Variants in CCDC141 observed in about 807,000 individuals in gnomAD.
CCDC141 encodes coiled-coil domain-containing protein 141.
CCDC141 carries 168 observed loss-of-function variants against 181.0 expected under a neutral mutation model. That is an observed-to-expected ratio of 0.93 (90% CI 0.82 to 1.05). The LOEUF is 1.05. CCDC141 is among the 50% of genes least tolerant of loss of function. CCDC141 has a pLI of 0.00. For synonymous variants in CCDC141, 666 were observed against 642.3 expected (o/e 1.04, Z -0.56); for missense variants, 1,902 against 1,788.5 (o/e 1.06, Z -1.14).
intron 2 of CCDC141, among the ~76,000 whole-genome samples, chr2:178,992,501 A>G (rs1189924386): frequency 6.6e-6 from 1 of 151,714 alleles, no homozygotes; most frequent in Non-Finnish European, 1.5e-5. Flanking sequence ...CACATTACAC[A>G]CTTAATTATA....
chr2:178,863,674 GGT>G (rs143237016), intron 17 of CCDC141, among the ~76,000 whole-genome samples: 28 of 152,116 alleles, frequency 1.8e-4, no homozygotes, highest in African/African-American at 6.3e-4. Flanking sequence ...GAAAGTCCAG[GGT>G]GTGCACACGC....
At chr2:178,838,576 T>C (rs1217571206) in intron 22 of CCDC141, among the ~76,000 whole-genome samples, 1 of 152,226 alleles carries the variant, frequency 6.6e-6, no homozygotes, top group Non-Finnish European at 1.5e-5. Flanking sequence ...GAGCACCTAC[T>C]GCTATACACT....
At chr2:178,931,616 TACATGG>T (rs1428530546) in intron 6 of CCDC141, among the ~76,000 whole-genome samples, 2 of 152,156 alleles carry the variant, frequency 1.3e-5, no homozygotes, top group East Asian at 3.9e-4. Context: ...AATAGGTAAA[TACATGG>T]ACACAGAAAG....
At position 179,047,395 on chromosome 2, in the gene CCDC141, C is replaced by A. The variant is rs868402123; in HGVS notation, c.114G>T (p.Trp38Cys). ...GTGATTCAGCCAGTTGAAGTTGTAC[C>A]CATTTGCCACACTAAAAATAAAAAT... ...IVIAVIKCGK[W>C]VQLQLAESQP... Residue 38 changes from tryptophan (W) to cysteine (C), a missense_variant, in exon 2 of 24, where the codon TGG becomes TGT. Transcript: ENST00000443758. The A allele has an allele frequency of 6.2e-5, 94 of 1,509,090 alleles. No homozygotes were observed. The highest frequency in any genetic ancestry group is 8.0e-5 in the Non-Finnish European group (91 of 1,132,330). 93.5% of individuals were successfully genotyped at this position (1,509,090 alleles called of 1,614,324 possible).
intron 2 of CCDC141, among the ~76,000 whole-genome samples, chr2:179,040,761 C>T (rs564632578): frequency 1.3e-5 from 2 of 152,358 alleles, no homozygotes; most frequent in South Asian, 2.1e-4. Context: ...ATATGTACCA[C>T]ACTTTCTTTA....
intron 2 of CCDC141, among the ~76,000 whole-genome samples, chr2:178,986,836 G>A (rs1691769881): frequency 6.6e-6 from 1 of 150,900 alleles, no homozygotes; most frequent in Non-Finnish European, 1.5e-5. Context: ...ACAAATGGAA[G>A]AACATTCCAT....
At chr2:178,925,037 A>G (rs577435561) in intron 6 of CCDC141, among the ~76,000 whole-genome samples, 14 of 152,296 alleles carry the variant, frequency 9.2e-5, no homozygotes, top group African/African-American at 3.4e-4. Context: ...CTCATCTGTT[A>G]ATTCAGTGAC....
intron 5 of CCDC141, among the ~76,000 whole-genome samples, chr2:178,949,518 A>G (rs1395354142): frequency 1.3e-5 from 2 of 152,248 alleles, no homozygotes. Context: ...ATACATCTGC[A>G]GAAAGAAAGG....
At chr2:178,958,416 T>C (rs995773223) in intron 5 of CCDC141, among the ~76,000 whole-genome samples, 3 of 152,108 alleles carry the variant, frequency 2.0e-5, no homozygotes, top group African/African-American at 7.2e-5. Context: ...AGGGAACATA[T>C]AGGAAATCTC....
At position 178,830,579 on chromosome 2, in the gene CCDC141, T is replaced by A. The variant is rs746343250; in HGVS notation, c.*3594A>T. ...TTACTGAGTGTGACTGTGTCTTAGG[T>A]ACTGGCAATACAATGACAACAGGGC... On this transcript the variant is annotated 3_prime_UTR_variant, in exon 24 of 24. Coordinates refer to ENST00000443758, the MANE Select transcript of CCDC141 (RefSeq NM_173648.4). 3.3e-5 allele frequency: 5 copies of A among 152,216 alleles called. No homozygotes were observed. The highest frequency in any genetic ancestry group is 6.5e-5 in the Admixed American group (1 of 15,276). The allele number at this position is 152,216 out of a possible 1,614,324, so 9.4% of individuals were successfully genotyped here.
intron 2 of CCDC141, among the ~76,000 whole-genome samples, chr2:179,043,348 G>C (rs1264387532): frequency 1.3e-5 from 2 of 152,148 alleles, no homozygotes; most frequent in East Asian, 1.9e-4. Flanking sequence ...TGAGGAGGAG[G>C]GACTCCTCCC....
intron 2 of CCDC141, among the ~76,000 whole-genome samples, chr2:178,982,651 G>A (rs979449414): frequency 6.6e-6 from 1 of 152,202 alleles, no homozygotes; most frequent in African/African-American, 2.4e-5. Flanking sequence ...TGCCTCCCTC[G>A]GGAAGCACAA....
chr2:178,918,770 CA>C lies in CCDC141; in HGVS notation c.1034del (p.Met345ArgfsTer8), dbSNP rs1214264706. ...TCTTTAACCAGGTATTCCTTTCCAC[CA>C]TGAGTTGACCAAATTCTTCTTGAAG... ...SQLQEEFGQL[M>X]VERNTWLKKA... On this transcript the variant is annotated frameshift_variant, in exon 7 of 24. Coordinates refer to ENST00000443758, the MANE Select transcript of CCDC141 (RefSeq NM_173648.4). LOFTEE classifies it high-confidence loss of function. 3.2e-6 allele frequency: 5 copies of C among 1,550,450 alleles called. No homozygotes were observed. The African/African-American group carries it at 6.8e-5, about 21-fold the overall frequency.
At chr2:178,991,794 T>A (rs1236327229) in intron 2 of CCDC141, among the ~76,000 whole-genome samples, 7 of 152,030 alleles carry the variant, frequency 4.6e-5, no homozygotes, top group Non-Finnish European at 7.4e-5. Context: ...ATGTACCCCA[T>A]AAATATGTGC....
chr2:178,871,983 A>G lies in CCDC141; in HGVS notation c.2079+150T>C. Reference sequence around the variant, plus strand: ...TCTGCTTTCTGCCTCCATGAGTTTGACTACAGGGACCTCATTTATAAGTGG... The same window carrying G: ...TCTGCTTTCTGCCTCCATGAGTTTGGCTACAGGGACCTCATTTATAAGTGG... On this transcript the variant is annotated intron_variant, in intron 13 of 23. Coordinates refer to ENST00000443758, the MANE Select transcript of CCDC141 (RefSeq NM_173648.4). The G allele has an allele frequency of 6.6e-6, 5 of 756,188 alleles. No individual in the cohort carries two copies. The South Asian group carries it at 8.4e-5, about 13-fold the overall frequency. 46.8% of individuals were successfully genotyped at this position (756,188 alleles called of 1,614,324 possible).
At chr2:179,007,482 T>C (rs1234362007) in intron 2 of CCDC141, among the ~76,000 whole-genome samples, 5 of 152,188 alleles carry the variant, frequency 3.3e-5, no homozygotes, top group African/African-American at 9.6e-5. Flanking sequence ...GCATGTTACT[T>C]TGGAACATGG....
At chr2:178,903,499 C>T (rs1364225740) in intron 8 of CCDC141, among the ~76,000 whole-genome samples, 8 of 150,534 alleles carry the variant, frequency 5.3e-5, no homozygotes, top group South Asian at 2.1e-4. Context: ...AGTAAACTAT[C>T]GCAAGAACAA....
At chr2:179,016,306 T>G (rs1025362427) in intron 2 of CCDC141, among the ~76,000 whole-genome samples, 1 of 151,856 alleles carries the variant, frequency 6.6e-6, no homozygotes, top group Admixed American at 6.6e-5. Context: ...AAATTACTCA[T>G]GTCACCAAAT....
intron 2 of CCDC141, among the ~76,000 whole-genome samples, chr2:178,993,528 C>G (rs532884881): frequency 6.6e-6 from 1 of 152,158 alleles, no homozygotes; most frequent in Non-Finnish European, 1.5e-5. Context: ...CAGGTCTCTC[C>G]CACAGCATGT....
Sources: gnomAD v4.1 joint callset for allele counts (sites outside exome capture counted in the v4.1 genomes callset) on GRCh38, gnomAD v4.1.1 for gene constraint, MANE v1.5 for transcripts, NCBI Gene and HGNC (gene_info 2026-07-23, HGNC 2026-07-21) for gene names.